CNTNAP5: variants seen among roughly 807,000 people sequenced by gnomAD.
CNTNAP5 encodes the protein contactin-associated protein-like 5.
Under a neutral mutation model 150.2 loss-of-function variants are expected in CNTNAP5, and 72 were observed. The observed-to-expected ratio is 0.48, with a 90% CI of 0.40 to 0.58. CNTNAP5 has a LOEUF of 0.58. Among genes scored for constraint, CNTNAP5 ranks in the 20% least tolerant of loss-of-function variants. The pLI, the probability that CNTNAP5 is intolerant of heterozygous loss-of-function variation, is 0.00. For synonymous variants in CNTNAP5, 672 were observed against 619.8 expected (o/e 1.08, Z -1.25); for missense variants, 1,636 against 1,626.2 (o/e 1.01, Z -0.10).
chr2:124,744,855 C>A (rs1302671286), intron 13 of CNTNAP5, among the ~76,000 whole-genome samples: 1 of 152,130 alleles, frequency 6.6e-6, no homozygotes, highest in Non-Finnish European at 1.5e-5. Context: ...CTCTCCAGTA[C>A]TGCACAGAGA....
chr2:124,848,658 A>G (rs1166118206), intron 19 of CNTNAP5, among the ~76,000 whole-genome samples: 2 of 152,168 alleles, frequency 1.3e-5, no homozygotes, highest in Non-Finnish European at 2.9e-5. Context: ...CCTTGCCAAC[A>G]CTTGCTACCT....
chr2:124,081,286 C>T (rs545297271), intron 1 of CNTNAP5, among the ~76,000 whole-genome samples: 10 of 152,138 alleles, frequency 6.6e-5, no homozygotes, highest in Non-Finnish European at 1.5e-4. Context: ...CTCTTTATGA[C>T]TAAGAGGAAA....
intron 7 of CNTNAP5, among the ~76,000 whole-genome samples, chr2:124,480,313 G>T (rs144187926): frequency 2.0e-5 from 3 of 152,326 alleles, no homozygotes; most frequent in African/African-American, 4.8e-5. Flanking sequence ...ATAGGCTTGG[G>T]TATAACAGAT....
In CNTNAP5 at chr2:124,707,080, GAA is replaced by G. The variant is rs1679686913; in HGVS notation, c.2078-40148_2078-40147del. Reference sequence around the variant, plus strand: ...AGGAGGAGAGGAAGAGGAAGAAGAAGAAGAGGAAGAAGAAGAAGAGGAAGAAG... The same window carrying G: ...AGGAGGAGAGGAAGAGGAAGAAGAAGGAGGAAGAAGAAGAAGAGGAAGAAG... On this transcript the variant is annotated intron_variant, in intron 13 of 23. Transcript: ENST00000682447. Among the ~76,000 whole-genome samples the G allele has an allele frequency of 1.0e-4, 14 of 138,784 alleles. 1 individual carries two copies. The highest frequency in any genetic ancestry group is 3.8e-4 in the African/African-American group (13 of 34,614). 91.0% of individuals were successfully genotyped at this position (138,784 alleles called of 152,430 possible).
chr2:124,527,548 C>A, intron 10 of CNTNAP5, 92 bp downstream of exon 10: 1 of 981,282 alleles, frequency 1.0e-6, no homozygotes, highest in Non-Finnish European at 1.5e-6. Flanking sequence ...TCTAATCCAC[C>A]GACATTAGCC....
chr2:124,194,083 C>A (rs1420315676), intron 1 of CNTNAP5, among the ~76,000 whole-genome samples: 1 of 152,090 alleles, frequency 6.6e-6, no homozygotes, highest in East Asian at 1.9e-4. Flanking sequence ...TCATCCTAGG[C>A]CTTGGCGGGC....
intron 11 of CNTNAP5, among the ~76,000 whole-genome samples, chr2:124,581,086 A>G (rs1000085036): frequency 3.3e-5 from 5 of 152,326 alleles, no homozygotes; most frequent in African/African-American, 9.6e-5. Context: ...CTTGGGGCCA[A>G]TGAGGAAACC....
In CNTNAP5 at chr2:124,782,612, TAGTTTGTA is replaced by T. The variant is rs1307713121; in HGVS notation, c.2753-7288_2753-7281del. 1.9e-4 allele frequency among the ~76,000 whole-genome samples: 29 copies of T among 152,212 alleles called. 1 individual carries two copies. Among genetic ancestry groups the T allele is most frequent in the Middle Eastern group, 3.4e-3 (1 of 294 alleles). On this transcript the variant is annotated intron_variant, in intron 17 of 23. Transcript: ENST00000682447. ...ATTGCTCACATTTTTTTTTCATCTGTAGTTTGTAAAATAATCACTGGCATTTAGCATAT... is the reference window on the plus strand; with the variant it reads ...ATTGCTCACATTTTTTTTTCATCTGTAAATAATCACTGGCATTTAGCATAT...
At chr2:124,629,601 G>A (rs912750924) in intron 12 of CNTNAP5, among the ~76,000 whole-genome samples, 4 of 151,930 alleles carry the variant, frequency 2.6e-5, no homozygotes, top group South Asian at 4.2e-4. Flanking sequence ...TGCTCACATC[G>A]GAAAGTGGGA....
intron 19 of CNTNAP5, among the ~76,000 whole-genome samples, chr2:124,841,608 C>A (rs149681448): frequency 1.3e-3 from 194 of 152,190 alleles, no homozygotes; most frequent in African/African-American, 4.6e-3. Flanking sequence ...CATTCCTCTT[C>A]ACAGTATTAT....
At chr2:124,299,896 T>C (rs955811810) in intron 3 of CNTNAP5, among the ~76,000 whole-genome samples, 1 of 152,318 alleles carries the variant, frequency 6.6e-6, no homozygotes, top group African/African-American at 2.4e-5. Context: ...ATGGATGTGT[T>C]ACCCTAGCTT....
chr2:124,446,150 G>A (rs1045673181), intron 5 of CNTNAP5, among the ~76,000 whole-genome samples: 1 of 152,152 alleles, frequency 6.6e-6, no homozygotes, highest in Non-Finnish European at 1.5e-5. Context: ...CGTACCTGAG[G>A]CATGCATGTC....
At chr2:124,720,319 A>T (rs1400621269) in intron 13 of CNTNAP5, among the ~76,000 whole-genome samples, 1 of 152,166 alleles carries the variant, frequency 6.6e-6, no homozygotes, top group African/African-American at 2.4e-5. Flanking sequence ...TATTGTCATT[A>T]AAACTGTTGA....
At chr2:124,294,035 G>T (rs954741698) in intron 3 of CNTNAP5, among the ~76,000 whole-genome samples, 1 of 152,160 alleles carries the variant, frequency 6.6e-6, no homozygotes, top group Non-Finnish European at 1.5e-5. Flanking sequence ...ATCCCAGGAT[G>T]CATGGGGCTG....
At chr2:124,639,948 C>T (rs1678054768) in intron 12 of CNTNAP5, among the ~76,000 whole-genome samples, 1 of 152,030 alleles carries the variant, frequency 6.6e-6, no homozygotes, top group African/African-American at 2.4e-5. Flanking sequence ...CCCTTTGCTG[C>T]TGCAGATACT....
intron 1 of CNTNAP5, among the ~76,000 whole-genome samples, chr2:124,091,443 A>G (rs929778540): frequency 5.3e-5 from 8 of 152,208 alleles, no homozygotes; most frequent in Admixed American, 2.0e-4. Context: ...CTGGTAAGCT[A>G]CATGGCAAAG....
chr2:124,849,176 T>A (rs535820710), intron 19 of CNTNAP5, among the ~76,000 whole-genome samples: 20 of 152,262 alleles, frequency 1.3e-4, no homozygotes, highest in African/African-American at 4.8e-4. Context: ...GGATCCAACT[T>A]AATACATGTG....
intron 1 of CNTNAP5, among the ~76,000 whole-genome samples, chr2:124,101,742 A>G (rs1558755838): frequency 6.6e-6 from 1 of 152,222 alleles, no homozygotes; most frequent in African/African-American, 2.4e-5. Flanking sequence ...ATATCTGGAG[A>G]CTGTGCTAAT....
chr2:124,324,112 T>C (rs1181695450), intron 3 of CNTNAP5, among the ~76,000 whole-genome samples: 3 of 152,236 alleles, frequency 2.0e-5, no homozygotes, highest in African/African-American at 4.8e-5. Flanking sequence ...AGTACTATGA[T>C]GGACAGTGAG....
Sources: gnomAD v4.1 joint callset for allele counts (sites outside exome capture counted in the v4.1 genomes callset) on GRCh38, gnomAD v4.1.1 for gene constraint, MANE v1.5 for transcripts, NCBI Gene and HGNC (gene_info 2026-07-23, HGNC 2026-07-21) for gene names.